The following ERAP1 variants were observed in gnomAD, a reference collection of about 807,000 sequenced individuals.
ERAP1 encodes the protein endoplasmic reticulum aminopeptidase 1, also known as adipocyte-derived leucine aminopeptidase.
A neutral mutation model predicts 103.7 loss-of-function variants in ERAP1; 86 were observed. The observed-to-expected ratio is 0.83, with a 90% CI of 0.70 to 0.99. ERAP1 has a LOEUF of 0.99. Among genes scored for constraint, ERAP1 ranks in the 50% least tolerant of loss-of-function variants. ERAP1 has a pLI of 0.00. For synonymous variants in ERAP1, 398 were observed against 402.4 expected (o/e 0.99, Z 0.13); for missense variants, 1,009 against 1,128.4 (o/e 0.89, Z 1.52).
At position 96,775,085 on chromosome 5, in the gene ERAP1, G is replaced by A. The variant is rs938453180; in HGVS notation, c.*1311C>T. ...ACAGAGCACACTATGGGTTAGATAA[G>A]TCCCTGTGTAGCAAGTTTTCAGAAT... On this transcript the variant is annotated 3_prime_UTR_variant, in exon 19 of 19. Coordinates refer to ENST00000443439, the MANE Select transcript of ERAP1 (RefSeq NM_001040458.3). 2 of 985,546 alleles carry A rather than the reference G, an allele frequency of 2.0e-6. No individual in the cohort carries two copies. The highest frequency in any genetic ancestry group is 2.4e-6 in the Non-Finnish European group (2 of 829,920). The allele number at this position is 985,546 out of a possible 1,614,324, so 61.1% of individuals were successfully genotyped here.
chr5:96,902,451 A>ATTGTT, the ERAP1 span: 2 of 700,282 alleles, frequency 2.9e-6, no homozygotes, highest in Non-Finnish European at 4.9e-6. Context: ...CTAACAATAA[A>ATTGTT]AGATTTATAT....
the ERAP1 span, among the ~76,000 whole-genome samples, chr5:96,890,057 G>A: frequency 6.6e-6 from 1 of 152,122 alleles, no homozygotes; most frequent in South Asian, 2.1e-4. Context: ...AAAAATTGCA[G>A]GAAACAGATC....
chr5:96,777,865 G>A (rs1456158799), intron 18 of ERAP1, among the ~76,000 whole-genome samples: 1 of 152,084 alleles, frequency 6.6e-6, no homozygotes, highest in Non-Finnish European at 1.5e-5. Context: ...CACCTGCCTT[G>A]GAAATGCAAC....
At chr5:96,810,460 T>C (rs1283561432), upstream of ERAP1, among the ~76,000 whole-genome samples, 3 of 152,346 alleles carry the variant, frequency 2.0e-5, no homozygotes, top group Admixed American at 2.0e-4. Context: ...GTAATGTAGA[T>C]ATTATGCTTT....
Position 96,805,138 on chromosome 5 carries a change from T to C in ERAP1, c.-17-1195A>G, listed in dbSNP as rs111912059. ...TTCCAGTTGGGAAAAGTAGCAAGCT[T>C]ACAATGTGGATCCCTCAAAGTGTTC... On this transcript the variant is annotated intron_variant, in intron 1 of 18. Transcript: ENST00000443439. Among the ~76,000 whole-genome samples the C allele has an allele frequency of 2.2e-3, 342 of 152,064 alleles. 2 individuals carry two copies. Among genetic ancestry groups the C allele is most frequent in the Non-Finnish European group, 4.1e-3 (279 of 67,988 alleles).
chr5:96,888,050 G>A, the ERAP1 span, among the ~76,000 whole-genome samples: 17 of 151,898 alleles, frequency 1.1e-4, no homozygotes, highest in African/African-American at 1.4e-4. Flanking sequence ...GCTTGAACCC[G>A]GGAGGCGGAT....
the ERAP1 span, among the ~76,000 whole-genome samples, chr5:96,932,001 T>C: frequency 2.6e-5 from 4 of 152,250 alleles, no homozygotes; most frequent in African/African-American, 9.6e-5. Flanking sequence ...AGTATATCAC[T>C]GTTCTTTCCA....
the ERAP1 span, among the ~76,000 whole-genome samples, chr5:96,855,121 T>A: frequency 6.6e-6 from 1 of 152,342 alleles, no homozygotes; most frequent in African/African-American, 2.4e-5. Context: ...AACATTAGCA[T>A]GTTGGGGGAA....
chr5:96,857,945 C>G, the ERAP1 span, among the ~76,000 whole-genome samples: 2 of 152,034 alleles, frequency 1.3e-5, no homozygotes, highest in African/African-American at 4.8e-5. Flanking sequence ...GGGAAAATAC[C>G]AAGGATCATG....
At chr5:96,776,684 A>T in intron 18 of ERAP1, 133 bp from the exon 19 acceptor site, 1 of 1,300,020 alleles carries the variant, frequency 7.7e-7, no homozygotes, top group South Asian at 1.4e-5. Flanking sequence ...CTGTCTGAAT[A>T]GGATTATGTA....
chr5:96,851,563 C>A, the ERAP1 span, among the ~76,000 whole-genome samples: 1 of 151,870 alleles, frequency 6.6e-6, no homozygotes, highest in Non-Finnish European at 1.5e-5. Context: ...CTTTCTTTTC[C>A]CAGGCTGGAT....
the ERAP1 span, among the ~76,000 whole-genome samples, chr5:96,890,323 C>T: frequency 6.6e-6 from 1 of 152,122 alleles, no homozygotes; most frequent in African/African-American, 2.4e-5. Flanking sequence ...ACTTAGATCC[C>T]TCACATGCGC....
chr5:96,871,415 GT>G, the ERAP1 span, among the ~76,000 whole-genome samples: 12 of 152,138 alleles, frequency 7.9e-5, no homozygotes, highest in Non-Finnish European at 1.6e-4. Context: ...AGAAGCAAAA[GT>G]TTTTTTAGAT....
chr5:96,787,772 G>C (rs1776225580), intron 11 of ERAP1, among the ~76,000 whole-genome samples: 1 of 89,256 alleles, frequency 1.1e-5, no homozygotes, highest in Non-Finnish European at 2.6e-5. Flanking sequence ...ATGGGGGAGG[G>C]AGGTGTATAT....
At chr5:96,918,450 A>G in the ERAP1 span, 1 of 152,238 alleles carries the variant, frequency 6.6e-6, no homozygotes, top group East Asian at 1.9e-4. Flanking sequence ...GTCAGGGTTT[A>G]TCAAGAAGGC....
chr5:96,774,819 T>C lies in ERAP1; in HGVS notation c.*1577A>G, dbSNP rs1351833068. ...TTCCAATTCCACTTTTATACCTATT[T>C]ATTTGTTGTAGTGAATGGTTTAATA... On this transcript the variant is annotated 3_prime_UTR_variant, in exon 19 of 19. Transcript: ENST00000443439. The C allele has an allele frequency of 1.0e-6, 1 of 985,236 alleles. No homozygotes were observed. Among genetic ancestry groups the C allele is most frequent in the East Asian group, 1.1e-4 (1 of 8,968 alleles). 61.0% of individuals were successfully genotyped at this position (985,236 alleles called of 1,614,324 possible).
the ERAP1 span, among the ~76,000 whole-genome samples, chr5:96,929,228 T>C: frequency 6.6e-6 from 1 of 152,192 alleles, no homozygotes; most frequent in African/African-American, 2.4e-5. Flanking sequence ...CTATAACTTT[T>C]TGATAAACTT....
chr5:96,854,917 G>C, the ERAP1 span, among the ~76,000 whole-genome samples: 35 of 152,064 alleles, frequency 2.3e-4, no homozygotes, highest in East Asian at 6.8e-3. Flanking sequence ...ATATCTTCAG[G>C]CTTCATCTTT....
the ERAP1 span, among the ~76,000 whole-genome samples, chr5:96,840,904 C>T: frequency 1.3e-5 from 2 of 152,138 alleles, no homozygotes; most frequent in South Asian, 4.2e-4. Context: ...CAGGGTTTCA[C>T]CATGTTGGCC....
Sources: gnomAD v4.1 joint callset for allele counts (sites outside exome capture counted in the v4.1 genomes callset) on GRCh38, gnomAD v4.1.1 for gene constraint, MANE v1.5 for transcripts, NCBI Gene and HGNC (gene_info 2026-07-23, HGNC 2026-07-21) for gene names.